Variants in FAAH2 observed in about 807,000 individuals in gnomAD.
The protein encoded by FAAH2 is fatty-acid amide hydrolase 2.
FAAH2 carries 60 observed loss-of-function variants against 36.9 expected under a neutral mutation model. The observed-to-expected ratio is 1.63, with a 90% CI of 1.32 to 2.02. The LOEUF (loss-of-function observed/expected upper bound fraction) is 2.02. Among genes scored for constraint, FAAH2 ranks in the 30% most tolerant of loss-of-function variants. FAAH2 has a pLI of 0.00. For synonymous variants in FAAH2, 214 were observed against 143.8 expected (o/e 1.49, Z -3.49); for missense variants, 689 against 397.5 (o/e 1.73, Z -6.23).
the FAAH2 span, among the ~76,000 whole-genome samples, chrX:57,124,934 A>G: frequency 5.3e-5 from 6 of 112,274 alleles, no homozygotes; most frequent in East Asian, 8.4e-4. Context: ...TAGATATACA[A>G]TCATGTCATC....
chrX:57,354,282 C>T (rs771204430), intron 5 of FAAH2, among the ~76,000 whole-genome samples: 104 of 110,876 alleles, frequency 9.4e-4, no homozygotes, highest in Non-Finnish European at 1.7e-3. Flanking sequence ...TTTGCAGCAA[C>T]ATGGATGGAA....
At chrX:57,162,356 G>T in the FAAH2 span, among the ~76,000 whole-genome samples, 2 of 110,914 alleles carry the variant, frequency 1.8e-5, no homozygotes, top group Admixed American at 1.9e-4. Flanking sequence ...TGCTCTTCTC[G>T]AGGAGTATCT....
the FAAH2 span, among the ~76,000 whole-genome samples, chrX:57,125,304 C>T: frequency 7.1e-5 from 8 of 112,514 alleles, no homozygotes; most frequent in Non-Finnish European, 1.3e-4. Flanking sequence ...TGCTGGATTA[C>T]GTGTATTGAT....
chrX:57,357,895 T>C (rs2054197632), intron 5 of FAAH2, among the ~76,000 whole-genome samples: 2 of 111,671 alleles, frequency 1.8e-5, no homozygotes, highest in Non-Finnish European at 3.8e-5. Context: ...TGTATGTTTA[T>C]TGAAGCACTG....
the FAAH2 span, among the ~76,000 whole-genome samples, chrX:57,218,770 A>C: frequency 9.0e-6 from 1 of 111,707 alleles, no homozygotes; most frequent in Admixed American, 9.5e-5. Context: ...TGTCCACAGG[A>C]TTGGTACCAG....
the FAAH2 span, among the ~76,000 whole-genome samples, chrX:57,122,174 C>A: frequency 0.13 from 14,769 of 111,228 alleles, 2,030 homozygotes; most frequent in African/African-American, 0.42. Flanking sequence ...TTTTTGAGGG[C>A]CTCACAGCAA....
the FAAH2 span, among the ~76,000 whole-genome samples, chrX:57,233,071 A>G: frequency 8.9e-6 from 1 of 112,296 alleles, no homozygotes; most frequent in Non-Finnish European, 1.9e-5. Context: ...TGCTCATGAG[A>G]TATAGGAATG....
chrX:57,161,148 G>A, the FAAH2 span, among the ~76,000 whole-genome samples: 2 of 111,892 alleles, frequency 1.8e-5, no homozygotes, highest in African/African-American at 3.3e-5. Flanking sequence ...AGGTTGTCCG[G>A]TTTCCATGAG....
chrX:57,325,291 TA>T, intron 3 of FAAH2, among the ~76,000 whole-genome samples: 1 of 111,360 alleles, frequency 9.0e-6, no homozygotes, highest in South Asian at 3.8e-4. Context: ...GATATTGGTC[TA>T]AAATTGTCTT....
chrX:57,165,865 C>G, the FAAH2 span, among the ~76,000 whole-genome samples: 4 of 110,650 alleles, frequency 3.6e-5, no homozygotes, highest in Non-Finnish European at 7.6e-5. Context: ...TAAGTGAGGA[C>G]AGACACTCCT....
intron 7 of FAAH2, among the ~76,000 whole-genome samples, chrX:57,397,338 G>A (rs747918956): frequency 9.8e-5 from 11 of 111,884 alleles, no homozygotes; most frequent in Non-Finnish European, 1.5e-4. Context: ...TCTCAATCAT[G>A]TAATTGCCAG....
chrX:57,182,011 A>T, the FAAH2 span, among the ~76,000 whole-genome samples: 2 of 112,212 alleles, frequency 1.8e-5, no homozygotes, highest in Non-Finnish European at 3.8e-5. Context: ...TGATGCTGGG[A>T]TAACTGGCTA....
chrX:57,388,292 C>T (rs912752460), intron 7 of FAAH2, among the ~76,000 whole-genome samples: 2 of 111,238 alleles, frequency 1.8e-5, no homozygotes, highest in Admixed American at 9.6e-5. Context: ...TAGTTGCTAA[C>T]TGATGTTGGT....
intron 7 of FAAH2, among the ~76,000 whole-genome samples, chrX:57,425,150 T>C (rs901868239): frequency 9.0e-6 from 1 of 111,324 alleles, no homozygotes; most frequent in African/African-American, 3.3e-5. Context: ...TGAAGATAGG[T>C]CTTTCAAATT....
chrX:57,383,678 A>G (rs760867409), intron 7 of FAAH2, among the ~76,000 whole-genome samples: 14 of 112,015 alleles, frequency 1.2e-4, no homozygotes, highest in Non-Finnish European at 2.3e-4. Flanking sequence ...AAAAGAGGAT[A>G]CAAACAACTG....
the FAAH2 span, among the ~76,000 whole-genome samples, chrX:57,172,878 G>A: frequency 9.0e-6 from 1 of 111,695 alleles, no homozygotes; most frequent in Non-Finnish European, 1.9e-5. Flanking sequence ...TGTTCCTCTC[G>A]ACGTCCAGCC....
intron 7 of FAAH2, among the ~76,000 whole-genome samples, chrX:57,383,854 C>T (rs1410542399): frequency 9.0e-6 from 1 of 111,581 alleles, no homozygotes; most frequent in Non-Finnish European, 1.9e-5. Flanking sequence ...AAAAAAGAGC[C>T]CACATTGCCA....
chrX:57,231,454 A>G, the FAAH2 span, among the ~76,000 whole-genome samples: 1 of 111,214 alleles, frequency 9.0e-6, no homozygotes, highest in Non-Finnish European at 1.9e-5. Context: ...ATAGTTCCTC[A>G]CTATTTTGCC....
At chrX:57,178,048 G>T in the FAAH2 span, among the ~76,000 whole-genome samples, 4 of 111,539 alleles carry the variant, frequency 3.6e-5, no homozygotes, top group African/African-American at 1.3e-4. Flanking sequence ...CCACACTTCA[G>T]GCTGATGCCA....
Sources: gnomAD v4.1 joint callset for allele counts (sites outside exome capture counted in the v4.1 genomes callset) on GRCh38, gnomAD v4.1.1 for gene constraint, MANE v1.5 for transcripts, NCBI Gene and HGNC (gene_info 2026-07-23, HGNC 2026-07-21) for gene names.